The following EPS15 variants were observed in gnomAD, a reference collection of about 807,000 sequenced individuals.
EPS15 encodes epidermal growth factor receptor pathway substrate 15, also known as epidermal growth factor receptor substrate 15.
EPS15 carries 72 observed loss-of-function variants against 113.8 expected under a neutral mutation model. That is an observed-to-expected ratio of 0.63 (90% CI 0.52 to 0.77). The LOEUF (loss-of-function observed/expected upper bound fraction) is 0.77, where lower values mean the gene tolerates loss of function less well. EPS15 is among the 30% of genes least tolerant of loss of function. The pLI, the probability that EPS15 is intolerant of heterozygous loss-of-function variation, is 0.00. For synonymous variants in EPS15, 344 were observed against 363.4 expected (o/e 0.95, Z 0.61); for missense variants, 1,048 against 1,045.8 (o/e 1.00, Z -0.03).
At chr1:51,388,133 G>A (rs1251056749) in intron 21 of EPS15, among the ~76,000 whole-genome samples, 1 of 152,172 alleles carries the variant, frequency 6.6e-6, no homozygotes, top group South Asian at 2.1e-4. Flanking sequence ...TCAGACCACA[G>A]TGCAATCAAA....
At chr1:51,454,239 A>T (rs1653810279) in intron 8 of EPS15, among the ~76,000 whole-genome samples, 2 of 152,160 alleles carry the variant, frequency 1.3e-5, no homozygotes, top group Admixed American at 1.3e-4. Context: ...AATATTACTG[A>T]CAAAAGCTTA....
intron 21 of EPS15, among the ~76,000 whole-genome samples, chr1:51,374,170 T>C (rs1267510362): frequency 6.6e-6 from 1 of 152,230 alleles, no homozygotes; most frequent in Non-Finnish European, 1.5e-5. Context: ...CTCCCTTCTA[T>C]ATCCTCAGGA....
intron 1 of EPS15, among the ~76,000 whole-genome samples, chr1:51,483,116 T>C (rs1487353198): frequency 6.6e-6 from 1 of 152,188 alleles, no homozygotes; most frequent in Non-Finnish European, 1.5e-5. Flanking sequence ...TGAATCCCTT[T>C]GTCCAGGGCA....
intron 21 of EPS15, among the ~76,000 whole-genome samples, chr1:51,370,408 C>T (rs1488091751): frequency 1.3e-5 from 2 of 152,020 alleles, no homozygotes; most frequent in Non-Finnish European, 2.9e-5. Flanking sequence ...TACTCCAAAT[C>T]CAAAAATCCT....
intron 1 of EPS15, among the ~76,000 whole-genome samples, chr1:51,486,770 C>T (rs1644131320): frequency 6.6e-6 from 1 of 152,000 alleles, no homozygotes; most frequent in East Asian, 1.9e-4. Flanking sequence ...CCTCTGCCTC[C>T]CAGGGTCAAG....
intron 20 of EPS15, among the ~76,000 whole-genome samples, chr1:51,398,149 G>T (rs1259893713): frequency 6.6e-6 from 1 of 151,958 alleles, no homozygotes; most frequent in Non-Finnish European, 1.5e-5. Context: ...CGCCTCCCGG[G>T]TTCACGCCAT....
At chr1:51,476,030 A>T (rs1201426822) in intron 2 of EPS15, among the ~76,000 whole-genome samples, 1 of 151,996 alleles carries the variant, frequency 6.6e-6, no homozygotes, top group African/African-American at 2.4e-5. Context: ...GCTCTGTTCC[A>T]TTGGTCTATA....
intron 21 of EPS15, among the ~76,000 whole-genome samples, chr1:51,368,939 G>C (rs1031833479): frequency 2.0e-5 from 3 of 152,108 alleles, no homozygotes; most frequent in African/African-American, 7.2e-5. Flanking sequence ...CAGCCTGAGT[G>C]GGGTGAAGAT....
intron 17 of EPS15, among the ~76,000 whole-genome samples, chr1:51,403,058 T>G (rs1161805943): frequency 6.6e-6 from 1 of 152,226 alleles, no homozygotes; most frequent in African/African-American, 2.4e-5. Context: ...AAAACAGTGA[T>G]AAGGACATTT....
intron 2 of EPS15, among the ~76,000 whole-genome samples, chr1:51,478,047 A>G (rs1259020182): frequency 6.6e-6 from 1 of 152,174 alleles, no homozygotes; most frequent in Non-Finnish European, 1.5e-5. Flanking sequence ...TAATGTTGAC[A>G]GTGTGGTGTT....
intron 1 of EPS15, among the ~76,000 whole-genome samples, chr1:51,516,480 T>C (rs1265858865): frequency 6.6e-6 from 1 of 152,164 alleles, no homozygotes; most frequent in Non-Finnish European, 1.5e-5. Context: ...AAAGCAGAAC[T>C]GGAACTAACA....
At chr1:51,377,260 G>A (rs978868466) in intron 21 of EPS15, among the ~76,000 whole-genome samples, 3 of 152,242 alleles carry the variant, frequency 2.0e-5, no homozygotes, top group South Asian at 2.1e-4. Context: ...GTGAAACTCC[G>A]TCTCAAACAA....
chr1:51,366,031 TA>T lies in EPS15; in HGVS notation c.2120-3del. The stretch of plus-strand genomic sequence containing the variant: ...AAACAGAAGCAAAGGGGTCTGTGGC[TA>T]AAATGAATAAAGAAAATAAATGAAA... On this transcript the variant is annotated splice_polypyrimidine_tract_variant and splice_region_variant and intron_variant, in intron 21 of 24. Transcript: ENST00000371733. 1 of 1,602,224 alleles carries T rather than the reference TA, an allele frequency of 6.2e-7. No individual in the cohort carries two copies. Among genetic ancestry groups the T allele is most frequent in the Non-Finnish European group, 8.5e-7 (1 of 1,172,890 alleles).
At chr1:51,464,297 T>C (rs1362564721) in intron 6 of EPS15, among the ~76,000 whole-genome samples, 3 of 151,098 alleles carry the variant, frequency 2.0e-5, no homozygotes, top group Non-Finnish European at 2.9e-5. Flanking sequence ...TGGAGTGCAG[T>C]GGCACAATCT....
intron 7 of EPS15, chr1:51,461,675 C>T (rs1417705372): frequency 2.6e-5 from 4 of 151,756 alleles, no homozygotes; most frequent in Admixed American, 6.6e-5. Context: ...AATAAAATAA[C>T]AACAGTGTAT....
chr1:51,388,463 C>T (rs1341440547), intron 21 of EPS15, among the ~76,000 whole-genome samples: 4 of 152,096 alleles, frequency 2.6e-5, no homozygotes, highest in African/African-American at 9.7e-5. Flanking sequence ...CAAGAAATAA[C>T]TAAAATCAGA....
intron 1 of EPS15, among the ~76,000 whole-genome samples, chr1:51,512,583 AAAG>A (rs1246951707): frequency 1.3e-5 from 2 of 152,194 alleles, no homozygotes; most frequent in South Asian, 4.1e-4. Context: ...AATCAGTGAG[AAAG>A]AAGACAAACA....
At chr1:51,518,829 C>T (rs1286076076) in intron 1 of EPS15, among the ~76,000 whole-genome samples, 1 of 151,752 alleles carries the variant, frequency 6.6e-6, no homozygotes, top group Non-Finnish European at 1.5e-5. Context: ...ACCTGGGATG[C>T]GTGCGGCCCT....
chr1:51,442,493 A>G (rs1016395873), intron 11 of EPS15, among the ~76,000 whole-genome samples: 3 of 152,142 alleles, frequency 2.0e-5, no homozygotes, highest in African/African-American at 7.2e-5. Flanking sequence ...GACACCCCAG[A>G]TACTGAAAAA....
Sources: allele counts gnomAD v4.1 joint callset (sites outside exome capture counted in the v4.1 genomes callset), GRCh38; gene constraint gnomAD v4.1.1; transcripts MANE v1.5; gene names NCBI Gene and HGNC (gene_info 2026-07-23, HGNC 2026-07-21).